Variants in OSGEP observed in about 807,000 individuals in gnomAD.
OSGEP encodes the protein tRNA N6-adenosine threonylcarbamoyltransferase.
OSGEP carries 39 observed loss-of-function variants against 44.1 expected under a neutral mutation model. The observed-to-expected ratio is 0.88, with a 90% CI of 0.69 to 1.16. OSGEP has a LOEUF of 1.16. Ranked by LOEUF, OSGEP falls within the 50% of genes most tolerant of loss-of-function variation. The pLI is 0.00. For missense variants in OSGEP, 403 were observed against 443.1 expected, an observed-to-expected ratio of 0.91 and a Z score of 0.81; for synonymous variants, 139 against 161.9, an observed-to-expected ratio of 0.86 and a Z score of 1.07.
At chr14:20,454,032 AAAAT>A (rs1881186128) in intron 1 of OSGEP, among the ~76,000 whole-genome samples, 1 of 152,294 alleles carries the variant, frequency 6.6e-6, no homozygotes. Flanking sequence ...AAAATAAAAT[AAAAT>A]AAAAAATAAA....
Position 20,449,182 on chromosome 14 carries a change from G to T in OSGEP, c.496C>A (p.Arg166=). The change falls in exon 4 of 11, where the codon CGA becomes AGA. Residue 166 remains arginine (R), a synonymous_variant. Transcript: ENST00000206542. The part of the protein sequence containing the change: ...AVGNCLDRFA[R]VLKISNDPSP... ...CCCCACTGGCTTACCTTCAGCACTC[G>T]AGCAAAACGATCCAGACAATTACCC... The T allele has an allele frequency of 6.2e-7, 1 of 1,610,686 alleles. No homozygotes were observed. Among genetic ancestry groups the T allele is most frequent in the Non-Finnish European group, 8.5e-7 (1 of 1,176,954 alleles).
rs1264768919 is a variant in OSGEP, at chr14:20,452,387, C to T, written c.177G>A (p.Glu59=). The T allele has an allele frequency of 2.5e-6, 4 of 1,613,856 alleles. No homozygotes were observed. The African/African-American group carries it at 5.3e-5, about 22-fold the overall frequency. The change falls in exon 2 of 11, where the codon GAG becomes GAA. Residue 59 remains glutamate (E), a synonymous_variant. Coordinates refer to ENST00000206542, the MANE Select transcript of OSGEP (RefSeq NM_017807.4). ...AGGTTAATCCAGACTCTGTTAGTGCCTCCTGCAGCAGGTCTAGGATAACAG... is the reference window on the plus strand; with the variant it reads ...AGGTTAATCCAGACTCTGTTAGTGCTTCCTGCAGCAGGTCTAGGATAACAG... ...HRAVILDLLQ[E]ALTESGLTSQ... is the part of the protein sequence containing the mutation.
At chr14:20,454,537 G>T (rs1881210881) in intron 1 of OSGEP, 32 bp downstream of exon 1, 3 of 1,424,098 alleles carry the variant, frequency 2.1e-6, no homozygotes, top group Admixed American at 3.3e-5. Context: ...GGGGAAGTGC[G>T]CGGAAAACTC....
In OSGEP at chr14:20,447,925, G is replaced by A. The variant is rs1039554714; in HGVS notation, c.772C>T (p.Leu258Phe). The change falls in exon 8 of 11, where the codon CTC (leucine) becomes TTC (phenylalanine). Residue 258 changes from leucine to phenylalanine, a missense_variant. By Grantham distance (22) the Leu-to-Phe change is conservative. Transcript: ENST00000206542. ...AMAHCGSQEALIVGGVGCNVR... is the reference protein window; with the variant it reads ...AMAHCGSQEAFIVGGVGCNVR... ...ATACACCCCACTCCTCCCACAATGA[G>A]GGCCTCCTGGGAGCCACAATGTGCC... The A allele has an allele frequency of 1.9e-6, 3 of 1,611,994 alleles. No individual in the cohort carries two copies. Among genetic ancestry groups the A allele is most frequent in the Non-Finnish European group, 2.5e-6 (3 of 1,178,040 alleles).
Position 20,452,383 on chromosome 14 carries a change from G to C in OSGEP, c.181C>G (p.Leu61Val), listed in dbSNP as rs1324242532. The C allele has an allele frequency of 1.2e-6, 2 of 1,613,904 alleles. No homozygotes were observed. Among genetic ancestry groups the C allele is most frequent in the African/African-American group, 1.3e-5 (1 of 75,020 alleles). The part of the protein sequence containing the change: ...AVILDLLQEA[L>V]TESGLTSQDI... ...TGGGAGGTTAATCCAGACTCTGTTAGTGCCTCCTGCAGCAGGTCTAGGATA... is the reference window on the plus strand; with the variant it reads ...TGGGAGGTTAATCCAGACTCTGTTACTGCCTCCTGCAGCAGGTCTAGGATA... The change falls in exon 2 of 11, where the codon CTA becomes GTA. Residue 61 changes from leucine (L) to valine (V), a missense_variant. Leu to Val is a conservative substitution (Grantham distance 32). Transcript: ENST00000206542.
At chr14:20,451,701 T>TTTTCAATCCC (rs1414755695) in intron 3 of OSGEP, 1 of 318,218 alleles carries the variant, frequency 3.1e-6, no homozygotes, top group Non-Finnish European at 5.7e-6. Flanking sequence ...ATTTCAATCC[T>TTTTCAATCCC]TTTCAATCCC....
rs1473459469 is a variant in OSGEP, at chr14:20,447,255, C to T, written c.993G>A (p.Val331=). Residue 331 remains valine (V), a synonymous_variant, in exon 11 of 11, where the codon GTG becomes GTA. Coordinates refer to ENST00000206542, the MANE Select transcript of OSGEP (RefSeq NM_017807.4). ...GTTGATCTTATTAGTCCCTCCAGGTCACCTCTACTTCATCTGTCCGATACC... is the reference window on the plus strand; with the variant it reads ...GTTGATCTTATTAGTCCCTCCAGGTTACCTCTACTTCATCTGTCCGATACC... ...TQRYRTDEVE[V]TWRD 6.2e-7 allele frequency: 1 copy of T among 1,614,090 alleles called. No individual in the cohort carries two copies. Among genetic ancestry groups the T allele is most frequent in the Non-Finnish European group, 8.5e-7 (1 of 1,179,942 alleles).
At chr14:20,454,484 GCACCT>G in intron 1 of OSGEP, 80 bp downstream of exon 1, 1 of 912,810 alleles carries the variant, frequency 1.1e-6, no homozygotes, top group South Asian at 1.3e-5. Context: ...ATCGAAAGCT[GCACCT>G]CACTAGTATT....
chr14:20,447,079 T>C lies in OSGEP; in HGVS notation c.*161A>G. 1.5e-6 allele frequency: 1 copy of C among 669,664 alleles called. No individual in the cohort carries two copies. The highest frequency in any genetic ancestry group is 2.7e-6 in the Non-Finnish European group (1 of 372,768). 41.5% of individuals were successfully genotyped at this position (669,664 alleles called of 1,614,324 possible). On this transcript the variant is annotated 3_prime_UTR_variant, in exon 11 of 11. Coordinates refer to ENST00000206542, the MANE Select transcript of OSGEP (RefSeq NM_017807.4). ...ACATACAAAACCAAAAAACCAAAAA[T>C]ATTTTATTGCTGAGTCATCCTGGGG...
rs938883 is a variant in OSGEP, at chr14:20,448,799, T to G, written c.570A>C (p.Leu190=). The G allele has an allele frequency of 1.2e-6, 2 of 1,611,936 alleles. No individual in the cohort carries two copies. The highest frequency in any genetic ancestry group is 1.1e-5 in the South Asian group (1 of 91,030). ...IEQMAKRGKK[L]VELPYTVKGM... ...CCTTTACAGTGTATGGCAGCTCAAC[T>G]AGCTTCTTGCCTCTATGTGGGAATA... Residue 190 remains leucine, a synonymous_variant, in exon 6 of 11, where the codon CTA becomes CTC. Transcript: ENST00000206542.
At chr14:20,449,833 C>A (rs1474371355) in intron 3 of OSGEP, 1 of 156,776 alleles carries the variant, frequency 6.4e-6, no homozygotes, top group East Asian at 1.9e-4. Context: ...CACTATGTTG[C>A]CCAGCCTGGT....
At chr14:20,447,863 GTTAAGAATA>G (rs1566507790) in intron 8 of OSGEP, 32 bp downstream of exon 8, 1 of 1,434,714 alleles carries the variant, frequency 7.0e-7, no homozygotes, top group Admixed American at 1.7e-5. Flanking sequence ...GACGCATAGT[GTTAAGAATA>G]GGAAAGAGGA....
chr14:20,454,333 T>A (rs1365059208), intron 1 of OSGEP, among the ~76,000 whole-genome samples: 1 of 152,202 alleles, frequency 6.6e-6, no homozygotes, highest in Non-Finnish European at 1.5e-5. Flanking sequence ...CAGTATAACA[T>A]CTATTTCTGA....
rs1044457552 is a variant in OSGEP, at chr14:20,448,227, G to A, written c.637-56C>T. 2.1e-5 allele frequency: 30 copies of A among 1,445,718 alleles called. No individual in the cohort carries two copies. In the East Asian group the frequency reaches 2.7e-4, roughly 13 times the overall value. 89.6% of individuals were successfully genotyped at this position (1,445,718 alleles called of 1,614,324 possible). On this transcript the variant is annotated intron_variant, in intron 6 of 10. Transcript: ENST00000206542. ...ACAAATCATGGTTTTGGGATTACAC[G>A]AGAGCAAAAATTAATGCATTCGGAG...
intron 3 of OSGEP, chr14:20,449,483 G>C (rs905639401): frequency 4.4e-5 from 23 of 525,400 alleles, no homozygotes; most frequent in Middle Eastern, 1.0e-3. Flanking sequence ...TTCCTAGACA[G>C]TGTAGGTTCA....
intron 3 of OSGEP, chr14:20,451,718 T>G (rs1357453122): frequency 2.8e-6 from 1 of 354,092 alleles, no homozygotes; most frequent in Non-Finnish European, 5.0e-6. Flanking sequence ...TCCCATTCAT[T>G]CCTTTCCTGA....
intron 3 of OSGEP, chr14:20,450,048 T>TG (rs5807038): frequency 0.59 from 87,726 of 148,978 alleles, 25,843 homozygotes; most frequent in Middle Eastern, 0.62. Flanking sequence ...TTCTTTTCTT[T>TG]TTTTTTTTTT....
intron 1 of OSGEP, among the ~76,000 whole-genome samples, chr14:20,453,169 C>A (rs1287056936): frequency 6.6e-6 from 1 of 152,066 alleles, no homozygotes; most frequent in African/African-American, 2.4e-5. Context: ...ATTCCCAGTG[C>A]CCAAGTGCCC....
At chr14:20,453,444 G>A (rs1448601047) in intron 1 of OSGEP, among the ~76,000 whole-genome samples, 1 of 151,384 alleles carries the variant, frequency 6.6e-6, no homozygotes, top group Non-Finnish European at 1.5e-5. Context: ...TCGGCTCACT[G>A]CAACCTCTGT....
Sources: gnomAD v4.1 joint callset for allele counts (sites outside exome capture counted in the v4.1 genomes callset) on GRCh38, gnomAD v4.1.1 for gene constraint, MANE v1.5 for transcripts, NCBI Gene and HGNC (gene_info 2026-07-23, HGNC 2026-07-21) for gene names.